Variants in CNTNAP2 observed in about 807,000 individuals in gnomAD.
The protein encoded by CNTNAP2 is contactin-associated protein-like 2.
Under a neutral mutation model 155.2 loss-of-function variants are expected in CNTNAP2, and 98 were observed. That is an observed-to-expected ratio of 0.63 (90% CI 0.54 to 0.75). The LOEUF (loss-of-function observed/expected upper bound fraction) is 0.75. Ranked by LOEUF, CNTNAP2 falls within the 30% of genes least tolerant of loss-of-function variation. CNTNAP2 has a pLI of 0.00. For synonymous variants in CNTNAP2, 651 were observed against 631.2 expected (o/e 1.03, Z -0.47); for missense variants, 1,727 against 1,688.1 (o/e 1.02, Z -0.40).
intron 2 of CNTNAP2, among the ~76,000 whole-genome samples, chr7:146,814,053 T>C (rs1404363481): frequency 6.6e-6 from 1 of 152,170 alleles, no homozygotes; most frequent in Non-Finnish European, 1.5e-5. Context: ...TAAACCTCTT[T>C]CTTTTATTAA....
chr7:148,199,170 T>G (rs1795327665), intron 18 of CNTNAP2, among the ~76,000 whole-genome samples: 2 of 152,218 alleles, frequency 1.3e-5, no homozygotes, highest in South Asian at 4.1e-4. Flanking sequence ...CTTTTGCCAT[T>G]GCATCCTTAA....
chr7:146,995,718 T>C (rs1284330901), intron 3 of CNTNAP2, among the ~76,000 whole-genome samples: 1 of 152,120 alleles, frequency 6.6e-6, no homozygotes, highest in East Asian at 1.9e-4. Flanking sequence ...ATTTTGAATA[T>C]TGACAAAATT....
At position 147,183,153 on chromosome 7, in the gene CNTNAP2, A is replaced by G. The variant is rs552395453; in HGVS notation, c.1348+50644A>G. On this transcript the variant is annotated intron_variant, in intron 8 of 23. Coordinates refer to ENST00000361727, the MANE Select transcript of CNTNAP2 (RefSeq NM_014141.6). ...ACAGTGGATGACTGCCAATGGTTAGAAAAAAAAAAAGGAAACATTAAGCTA... is the reference window on the plus strand; with the variant it reads ...ACAGTGGATGACTGCCAATGGTTAGGAAAAAAAAAAGGAAACATTAAGCTA... Among the ~76,000 whole-genome samples, 36 of 102,364 alleles carry G rather than the reference A, an allele frequency of 3.5e-4. 1 individual carries two copies. In the South Asian group the frequency reaches 7.6e-3, roughly 22 times the overall value. The allele number at this position is 102,364 out of a possible 152,430, so 67.2% of individuals were successfully genotyped here.
chr7:148,355,376 T>G (rs1355506768), intron 21 of CNTNAP2, among the ~76,000 whole-genome samples: 1 of 151,930 alleles, frequency 6.6e-6, no homozygotes, highest in African/African-American at 2.4e-5. Context: ...TCAGTATTAA[T>G]TGCATTAACA....
chr7:146,545,898 T>G (rs530837631), intron 1 of CNTNAP2, among the ~76,000 whole-genome samples: 84 of 152,112 alleles, frequency 5.5e-4, no homozygotes, highest in African/African-American at 1.8e-3. Flanking sequence ...ATTGCAGCAC[T>G]ATTTACAATA....
intron 12 of CNTNAP2, among the ~76,000 whole-genome samples, chr7:147,577,167 T>A (rs772492665): frequency 6.6e-6 from 1 of 152,094 alleles, no homozygotes; most frequent in Non-Finnish European, 1.5e-5. Flanking sequence ...TGTGTTTTAC[T>A]AACAGTGTCA....
chr7:147,733,858 T>A (rs1343286252), intron 13 of CNTNAP2, among the ~76,000 whole-genome samples: 2 of 152,220 alleles, frequency 1.3e-5, no homozygotes, highest in African/African-American at 2.4e-5. Flanking sequence ...TTTTTGCACA[T>A]TGATTTTGTA....
intron 3 of CNTNAP2, among the ~76,000 whole-genome samples, chr7:146,992,689 A>C (rs977910601): frequency 9.2e-5 from 14 of 152,006 alleles, no homozygotes; most frequent in African/African-American, 2.4e-4. Flanking sequence ...ATATGAAGAA[A>C]AAGTAGTCAT....
Position 147,234,708 on chromosome 7 carries a change from A to T in CNTNAP2, c.1349-65433A>T, listed in dbSNP as rs930179711. Among the ~76,000 whole-genome samples, 4 of 152,090 alleles carry T rather than the reference A, an allele frequency of 2.6e-5. No homozygotes were observed. In the East Asian group the frequency reaches 7.7e-4, roughly 29 times the overall value. ...TTGCAGCGAGTTTCATTGATCCTTAATTTCCCTCAGCCTGGGAGATTGCTG... is the reference window on the plus strand; with the variant it reads ...TTGCAGCGAGTTTCATTGATCCTTATTTTCCCTCAGCCTGGGAGATTGCTG... On this transcript the variant is annotated intron_variant, in intron 8 of 23. Transcript: ENST00000361727.
chr7:146,832,984 C>T (rs1011261041), intron 2 of CNTNAP2, among the ~76,000 whole-genome samples: 2 of 152,056 alleles, frequency 1.3e-5, no homozygotes, highest in Non-Finnish European at 2.9e-5. Context: ...GTGTGAGCTA[C>T]CATGCCCAGC....
chr7:148,064,044 AT>A (rs1803208108), intron 15 of CNTNAP2, among the ~76,000 whole-genome samples: 1 of 151,972 alleles, frequency 6.6e-6, no homozygotes, highest in Non-Finnish European at 1.5e-5. Flanking sequence ...GGCTGTAAGT[AT>A]TTGACTTTTT....
intron 1 of CNTNAP2, among the ~76,000 whole-genome samples, chr7:146,368,093 C>G (rs534902447): frequency 6.6e-6 from 1 of 152,084 alleles, no homozygotes; most frequent in Non-Finnish European, 1.5e-5. Flanking sequence ...TCCTCTGCAT[C>G]CCCAATGCCC....
At chr7:147,518,924 G>A (rs967685998) in intron 11 of CNTNAP2, among the ~76,000 whole-genome samples, 3 of 141,366 alleles carry the variant, frequency 2.1e-5, no homozygotes, top group African/African-American at 7.6e-5. Flanking sequence ...CCAGATACTC[G>A]GGAGGCTGAG....
At chr7:146,281,559 G>A (rs898564419) in intron 1 of CNTNAP2, among the ~76,000 whole-genome samples, 19 of 152,136 alleles carry the variant, frequency 1.2e-4, no homozygotes, top group African/African-American at 4.6e-4. Flanking sequence ...CACTTTGGGA[G>A]GCTGAGGCGG....
chr7:148,188,663 T>A (rs1016179862), intron 18 of CNTNAP2, among the ~76,000 whole-genome samples: 1 of 152,226 alleles, frequency 6.6e-6, no homozygotes, highest in African/African-American at 2.4e-5. Flanking sequence ...CACTACTAAA[T>A]AATCTTTAGT....
chr7:146,572,169 A>G (rs1308895661), intron 1 of CNTNAP2, among the ~76,000 whole-genome samples: 1 of 152,184 alleles, frequency 6.6e-6, no homozygotes, highest in Non-Finnish European at 1.5e-5. Context: ...ATGAAAAGTC[A>G]AAAAGTCCAG....
chr7:148,338,323 T>A (rs1228389619), intron 21 of CNTNAP2, among the ~76,000 whole-genome samples: 1 of 152,246 alleles, frequency 6.6e-6, no homozygotes, highest in Non-Finnish European at 1.5e-5. Flanking sequence ...TGCATCATGA[T>A]CCTTTTTGCA....
intron 8 of CNTNAP2, among the ~76,000 whole-genome samples, chr7:147,171,902 G>GA (rs1048495130): frequency 3.3e-5 from 5 of 151,258 alleles, no homozygotes; most frequent in African/African-American, 1.2e-4. Context: ...TATGTTCTAT[G>GA]AAAAAAACGA....
At chr7:147,298,518 T>C (rs1025846110) in intron 8 of CNTNAP2, among the ~76,000 whole-genome samples, 5 of 152,160 alleles carry the variant, frequency 3.3e-5, no homozygotes, top group Non-Finnish European at 7.3e-5. Context: ...TTATGTGTAA[T>C]AATACTTACT....
Sources: allele counts gnomAD v4.1 joint callset (sites outside exome capture counted in the v4.1 genomes callset), GRCh38; gene constraint gnomAD v4.1.1; transcripts MANE v1.5; gene names NCBI Gene and HGNC (gene_info 2026-07-23, HGNC 2026-07-21).